The following NWD2 variants were observed in gnomAD, a reference collection of about 807,000 sequenced individuals.
The protein encoded by NWD2 is NACHT and WD repeat domain-containing protein 2.
Under a neutral mutation model 132.7 loss-of-function variants are expected in NWD2, and 37 were observed. That is an observed-to-expected ratio of 0.28 (90% confidence interval 0.21 to 0.37). The LOEUF is 0.37. Ranked by LOEUF, NWD2 falls within the 10% of genes least tolerant of loss-of-function variation. The pLI is 1.00. For missense variants in NWD2, 1,592 were observed against 2,122.4 expected (o/e 0.75, Z 4.91); for synonymous variants, 705 against 803.0 (o/e 0.88, Z 2.06).
intron 1 of NWD2, among the ~76,000 whole-genome samples, chr4:37,291,477 A>C (rs1718358735): frequency 6.6e-6 from 1 of 152,194 alleles, no homozygotes; most frequent in Non-Finnish European, 1.5e-5. Flanking sequence ...TGGATTTTTA[A>C]GGGAAAATAT....
chr4:37,320,983 C>G (rs1367655759), intron 1 of NWD2, among the ~76,000 whole-genome samples: 4 of 151,984 alleles, frequency 2.6e-5, no homozygotes, highest in Non-Finnish European at 5.9e-5. Context: ...GTGGTAAAAC[C>G]CCGTCTGTAC....
At chr4:37,298,858 C>G (rs1421889304) in intron 1 of NWD2, among the ~76,000 whole-genome samples, 1 of 152,024 alleles carries the variant, frequency 6.6e-6, no homozygotes, top group East Asian at 1.9e-4. Flanking sequence ...TACAGCCAAG[C>G]TTTACTGGAA....
chr4:37,309,917 G>A (rs951753967), intron 1 of NWD2, among the ~76,000 whole-genome samples: 8 of 152,152 alleles, frequency 5.3e-5, no homozygotes, highest in South Asian at 4.1e-4. Flanking sequence ...GCCTTTTTGT[G>A]TGAAGGAAGC....
intron 3 of NWD2, among the ~76,000 whole-genome samples, chr4:37,399,163 A>G (rs1560412785): frequency 6.6e-6 from 1 of 152,212 alleles, no homozygotes; most frequent in Non-Finnish European, 1.5e-5. Context: ...ATGAAGGTCA[A>G]TGCTTATGGC....
chr4:37,397,720 G>T (rs565034682), intron 3 of NWD2, among the ~76,000 whole-genome samples: 2 of 152,182 alleles, frequency 1.3e-5, no homozygotes, highest in South Asian at 4.1e-4. Context: ...ATTGCTTGAC[G>T]AAGGAAATTT....
chr4:37,428,000 A>G (rs760876137), intron 3 of NWD2, among the ~76,000 whole-genome samples: 1 of 152,186 alleles, frequency 6.6e-6, no homozygotes, highest in African/African-American at 2.4e-5. Context: ...AACTTTAATG[A>G]TTTCTTTCTC....
In NWD2 at chr4:37,408,565, C is replaced by T. The variant is rs28768217; in HGVS notation, c.358-22007C>T. Among the ~76,000 whole-genome samples, 745 of 152,290 alleles carry T rather than the reference C, an allele frequency of 4.9e-3. 4 individuals carry two copies. The highest frequency in any genetic ancestry group is 0.017 in the African/African-American group (696 of 41,564). On this transcript the variant is annotated intron_variant, in intron 3 of 6. Transcript: ENST00000309447. ...AGATAAAACCCCCATCTCAATGGGA[C>T]AGAGCATGAGGGGAAAGGCCTGGCT...
At chr4:37,279,304 G>A (rs1169260131) in intron 1 of NWD2, among the ~76,000 whole-genome samples, 3 of 152,078 alleles carry the variant, frequency 2.0e-5, no homozygotes, top group African/African-American at 7.2e-5. Context: ...GGTTGGTTTT[G>A]GAACAACAAA....
At chr4:37,423,796 A>C (rs916305419) in intron 3 of NWD2, among the ~76,000 whole-genome samples, 27 of 152,170 alleles carry the variant, frequency 1.8e-4, no homozygotes, top group Admixed American at 5.9e-4. Flanking sequence ...TGACACATAG[A>C]ATTAACCATC....
chr4:37,327,508 AC>A (rs1404265515), intron 2 of NWD2, among the ~76,000 whole-genome samples: 1 of 151,870 alleles, frequency 6.6e-6, no homozygotes, highest in Admixed American at 6.6e-5. Context: ...TGTAAAATTG[AC>A]CCCCAGTTCT....
rs1712624066 is a variant in NWD2, at chr4:37,445,964, G to A, written c.3976G>A (p.Ala1326Thr). ...GKPIQSLLLP[A>T]RGEIIYSLDG... ...ACCCATCCAAAGTCTGTTGTTGCCT[G>A]CTAGAGGGGAAATCATTTACTCCCT... The change falls in exon 7 of 7, where the codon GCT becomes ACT. Residue 1326 changes from alanine to threonine, a missense_variant. This residue lies in a region of NWD2 where 1,071 missense variants were observed against 1,398.0 expected (regional missense o/e 0.77). Coordinates refer to ENST00000309447, the MANE Select transcript of NWD2 (RefSeq NM_001144990.2). The surrounding 1 kb of genome is among the most constrained non-coding windows in gnomAD (Gnocchi z 4.7). 3 of 1,551,598 alleles carry A rather than the reference G, an allele frequency of 1.9e-6. No homozygotes were observed. The East Asian group carries it at 7.3e-5, about 38-fold the overall frequency.
At chr4:37,280,609 T>C (rs1195588662) in intron 1 of NWD2, among the ~76,000 whole-genome samples, 1 of 152,182 alleles carries the variant, frequency 6.6e-6, no homozygotes, top group African/African-American at 2.4e-5. Flanking sequence ...ACCTCTGTAC[T>C]GTGTCAGTCA....
intron 1 of NWD2, among the ~76,000 whole-genome samples, chr4:37,265,486 G>C (rs1051355250): frequency 2.0e-5 from 3 of 152,104 alleles, no homozygotes; most frequent in African/African-American, 7.2e-5. Context: ...CTGGTCTGAA[G>C]TCAAAGTATT....
intron 1 of NWD2, among the ~76,000 whole-genome samples, chr4:37,294,056 C>T (rs145548880): frequency 6.0e-4 from 92 of 152,152 alleles, no homozygotes; most frequent in African/African-American, 2.1e-3. Flanking sequence ...CAGGAAGTCC[C>T]CACCCCCCTA....
At position 37,407,095 on chromosome 4, in the gene NWD2, C is replaced by T. The variant is rs113269438; in HGVS notation, c.358-23477C>T. 1.1e-4 allele frequency among the ~76,000 whole-genome samples: 17 copies of T among 152,108 alleles called. 2 individuals carry two copies. The highest frequency in any genetic ancestry group is 3.1e-4 in the African/African-American group (13 of 41,504). ...GGGTGGGGGGCTAGGGGAAGGAGGG[C>T]ATTAGAACAAATACCTAATGCATGC... On this transcript the variant is annotated intron_variant, in intron 3 of 6. Coordinates refer to ENST00000309447, the MANE Select transcript of NWD2 (RefSeq NM_001144990.2).
chr4:37,278,867 A>G (rs1215831580), intron 1 of NWD2, among the ~76,000 whole-genome samples: 1 of 152,170 alleles, frequency 6.6e-6, no homozygotes, highest in African/African-American at 2.4e-5. Flanking sequence ...CTTCCTTAAA[A>G]GAGAAGGGTA....
chr4:37,397,858 C>T (rs1052762085), intron 3 of NWD2, among the ~76,000 whole-genome samples: 3 of 151,884 alleles, frequency 2.0e-5, no homozygotes, highest in Non-Finnish European at 2.9e-5. Flanking sequence ...TCTCTCTGTC[C>T]ACTGCCTCTG....
intron 1 of NWD2, among the ~76,000 whole-genome samples, chr4:37,270,219 A>C (rs1401216553): frequency 6.6e-6 from 1 of 151,866 alleles, no homozygotes; most frequent in South Asian, 2.1e-4. Flanking sequence ...AAGGTTAACC[A>C]TGCTCATATC....
At chr4:37,419,248 C>T (rs142883045) in intron 3 of NWD2, among the ~76,000 whole-genome samples, 11,012 of 152,120 alleles carry the variant, frequency 0.072, 626 homozygotes, top group East Asian at 0.19. Context: ...CAAAATTTAA[C>T]TCAAGATGGA....
Sources: allele counts gnomAD v4.1 joint callset (sites outside exome capture counted in the v4.1 genomes callset), GRCh38; gene constraint gnomAD v4.1.1; regional missense constraint gnomAD v4.1.1; non-coding constraint Gnocchi (gnomAD v3.1); transcripts MANE v1.5; gene names NCBI Gene and HGNC (gene_info 2026-07-23, HGNC 2026-07-21).